Variants in WIPF2 observed in about 807,000 individuals in gnomAD.
WIPF2 encodes the protein WAS/WASL-interacting protein family member 2.
WIPF2 carries 23 observed loss-of-function variants against 38.8 expected under a neutral mutation model. The ratio of observed to expected loss-of-function variants is 0.59; its 90% confidence interval spans 0.43 to 0.84. WIPF2 has a LOEUF of 0.84. WIPF2 is among the 40% of genes least tolerant of loss of function. WIPF2 has a pLI of 0.00. For missense variants in WIPF2, 574 were observed against 580.5 expected (o/e 0.99, Z 0.11); for synonymous variants, 210 against 223.2 (o/e 0.94, Z 0.53).
chr17:40,252,080 G>C (rs1466420741), intron 1 of WIPF2, among the ~76,000 whole-genome samples: 1 of 152,156 alleles, frequency 6.6e-6, no homozygotes, highest in East Asian at 1.9e-4. Flanking sequence ...AAGCGCCACT[G>C]ATGAATCTGT....
Position 40,219,394 on chromosome 17 carries a change from G to GCGGCGGCGGCGGCGGCGA in WIPF2, c.-163_-162insGCGGCGGCGGCGACGGCG, listed in dbSNP as rs930602459. On this transcript the variant is annotated 5_prime_UTR_variant, in exon 1 of 8. Transcript: ENST00000323571. ...GGCGGCGGCGGCGGCGGCGGCGGCG[G>GCGGCGGCGGCGGCGGCGA]CGGCGACGGCGAGAAAGAGCTTGCC... 1.2e-5 allele frequency: 5 copies of GCGGCGGCGGCGGCGGCGA among 416,486 alleles called. No individual in the cohort carries two copies. The highest frequency in any genetic ancestry group is 2.3e-5 in the African/African-American group (1 of 44,298). The allele number at this position is 416,486 out of a possible 1,614,324, so 25.8% of individuals were successfully genotyped here. A position where few individuals can be genotyped will look rare whatever the true frequency, so the allele number is the denominator to read the frequency against.
chr17:40,277,265 C>G, intron 7 of WIPF2, 81 bp downstream of exon 7: 1 of 1,262,836 alleles, frequency 7.9e-7, no homozygotes, highest in Admixed American at 2.0e-5. Context: ...AAATTTGCTT[C>G]TCGCTGGGCA....
chr17:40,276,745 T>C (rs968072776), intron 6 of WIPF2, among the ~76,000 whole-genome samples: 1 of 151,938 alleles, frequency 6.6e-6, no homozygotes, highest in African/African-American at 2.4e-5. Context: ...AAACCCCGTC[T>C]CTACTAAAAA....
At chr17:40,247,272 C>T (rs1042286068) in intron 1 of WIPF2, among the ~76,000 whole-genome samples, 7 of 118,570 alleles carry the variant, frequency 5.9e-5, no homozygotes, top group African/African-American at 2.3e-4. Flanking sequence ...GGCTAGAGTG[C>T]AGTGGCACAA....
chr17:40,241,071 A>G (rs778249501), intron 1 of WIPF2, among the ~76,000 whole-genome samples: 98 of 152,120 alleles, frequency 6.4e-4, no homozygotes, highest in Non-Finnish European at 1.3e-3. Flanking sequence ...TTCCTTGCCA[A>G]TATCCATTCA....
chr17:40,270,732 A>G (rs2032226080), intron 5 of WIPF2, among the ~76,000 whole-genome samples: 1 of 152,094 alleles, frequency 6.6e-6, no homozygotes, highest in Admixed American at 6.6e-5. Flanking sequence ...AGGCTCAGAG[A>G]TCTGCTGGGA....
At chr17:40,270,961 A>T (rs2032234134) in intron 5 of WIPF2, among the ~76,000 whole-genome samples, 1 of 151,992 alleles carries the variant, frequency 6.6e-6, no homozygotes. Flanking sequence ...TTCTGATAGT[A>T]ATCAGGAGGA....
intron 1 of WIPF2, among the ~76,000 whole-genome samples, chr17:40,235,040 T>G (rs1343060886): frequency 1.3e-5 from 2 of 152,006 alleles, no homozygotes; most frequent in Admixed American, 1.3e-4. Flanking sequence ...TGCCTCAGCC[T>G]CCCTAGTAGC....
intron 1 of WIPF2, among the ~76,000 whole-genome samples, chr17:40,235,637 G>A (rs985828456): frequency 6.2e-5 from 9 of 144,998 alleles, no homozygotes; most frequent in Non-Finnish European, 9.0e-5. Flanking sequence ...GCAATGGCAC[G>A]ATCTCAGCTC....
intron 1 of WIPF2, among the ~76,000 whole-genome samples, chr17:40,226,732 A>AT (rs879464680): frequency 6.6e-6 from 1 of 151,920 alleles, no homozygotes; most frequent in Non-Finnish European, 1.5e-5. Flanking sequence ...TATTTTTTTA[A>AT]TTTTTTAAAT....
At chr17:40,252,363 T>C (rs999074487) in intron 1 of WIPF2, among the ~76,000 whole-genome samples, 1 of 152,090 alleles carries the variant, frequency 6.6e-6, no homozygotes, top group African/African-American at 2.4e-5. Flanking sequence ...GGCCAATGGC[T>C]GATAGAACTA....
At chr17:40,256,096 T>TA (rs892748332) in intron 1 of WIPF2, among the ~76,000 whole-genome samples, 2,097 of 96,702 alleles carry the variant, frequency 0.022, 33 homozygotes, top group Non-Finnish European at 0.028. Flanking sequence ...CCAGGGTCTT[T>TA]AAAAAAAAAA....
chr17:40,220,591 A>ATATATATATATATATATATATG (rs2030156920), intron 1 of WIPF2: 1 of 76,716 alleles, frequency 1.3e-5, no homozygotes, highest in African/African-American at 5.6e-5. Flanking sequence ...ATATATATAT[A>ATATATATATATATATATATATG]TATATATATA....
chr17:40,274,026 A>C, intron 6 of WIPF2, 27 bp downstream of exon 6: 123 of 1,504,694 alleles, frequency 8.2e-5, no homozygotes, highest in Non-Finnish European at 1.0e-4. Context: ...CTGTAGTCTC[A>C]TGGTTCCTGC....
rs60359132 is a variant in WIPF2 at position 40,248,163 on chromosome 17, C to CTTTTTT, written c.-69-8206_-69-8201dup. On this transcript the variant is annotated intron_variant, in intron 1 of 7. Transcript: ENST00000323571. The stretch of plus-strand genomic sequence containing the variant: ...TTTAATAAAAATTTAAAAGTTATTT[C>CTTTTTT]TTTTTTTTTTTTTTTTTTTTTTTTT... Among the ~76,000 whole-genome samples, 9 of 47,620 alleles carry CTTTTTT rather than the reference C, an allele frequency of 1.9e-4. 1 individual carries two copies. Among genetic ancestry groups the CTTTTTT allele is most frequent in the East Asian group, 5.4e-4 (1 of 1,866 alleles). The allele number at this position is 47,620 out of a possible 152,430, so 31.2% of individuals were successfully genotyped here. A position where few individuals can be genotyped will look rare whatever the true frequency, so the allele number is the denominator to read the frequency against.
chr17:40,227,570 A>T (rs1490424956), intron 1 of WIPF2, among the ~76,000 whole-genome samples: 1 of 151,814 alleles, frequency 6.6e-6, no homozygotes, highest in Middle Eastern at 3.2e-3. Flanking sequence ...GATCTGTTCC[A>T]GGCTGGTTGC....
At chr17:40,247,583 G>A (rs1297924936) in intron 1 of WIPF2, among the ~76,000 whole-genome samples, 1 of 149,672 alleles carries the variant, frequency 6.7e-6, no homozygotes, top group African/African-American at 2.5e-5. Context: ...GTGCAGTGGT[G>A]CAATCTCAGC....
At chr17:40,235,352 A>G (rs2030924883) in intron 1 of WIPF2, among the ~76,000 whole-genome samples, 1 of 152,210 alleles carries the variant, frequency 6.6e-6, no homozygotes, top group African/African-American at 2.4e-5. Flanking sequence ...TAATGACTGT[A>G]TCATTCGATT....
intron 1 of WIPF2, among the ~76,000 whole-genome samples, chr17:40,253,562 C>G (rs941560483): frequency 2.6e-5 from 4 of 152,176 alleles, no homozygotes; most frequent in African/African-American, 9.7e-5. Context: ...CTGTTTCGAT[C>G]AATTTTTAAA....
Sources: gnomAD v4.1 joint callset for allele counts (sites outside exome capture counted in the v4.1 genomes callset) on GRCh38, gnomAD v4.1.1 for gene constraint, MANE v1.5 for transcripts, NCBI Gene and HGNC (gene_info 2026-07-23, HGNC 2026-07-21) for gene names.